The following STK32B variants were observed in gnomAD, a reference collection of about 807,000 sequenced individuals.
The protein encoded by STK32B is serine/threonine-protein kinase 32B.
A neutral mutation model predicts 52.6 loss-of-function variants in STK32B; 43 were observed. That is an observed-to-expected ratio of 0.82 (90% CI 0.64 to 1.05). STK32B has a LOEUF of 1.05. Among genes scored for constraint, STK32B ranks in the 50% least tolerant of loss-of-function variants. The pLI is 0.00. For missense variants in STK32B, 621 were observed against 534.6 expected (o/e 1.16, Z -1.59); for synonymous variants, 238 against 204.3 (o/e 1.17, Z -1.41).
intron 3 of STK32B, among the ~76,000 whole-genome samples, chr4:5,329,642 C>T (rs527854774): frequency 5.3e-5 from 8 of 152,172 alleles, no homozygotes; most frequent in South Asian, 2.1e-4. Flanking sequence ...GCCTCCAGGG[C>T]GAAGACAGTT....
In STK32B at chr4:5,301,092, C is replaced by T. The variant is rs536937358; in HGVS notation, c.261-30128C>T. Among the ~76,000 whole-genome samples, 47 of 152,084 alleles carry T rather than the reference C, an allele frequency of 3.1e-4. No individual in the cohort carries two copies. The South Asian group carries it at 3.1e-3, about 10-fold the overall frequency. ...TAATATTATATTTTAGACTGATTTT[C>T]GTATGTTAGACCAACCTTGCATTCC... On this transcript the variant is annotated intron_variant, in intron 3 of 11. Coordinates refer to ENST00000282908, the MANE Select transcript of STK32B (RefSeq NM_018401.3).
intron 4 of STK32B, among the ~76,000 whole-genome samples, chr4:5,350,766 A>G (rs1321066718): frequency 1.3e-5 from 2 of 152,170 alleles, no homozygotes; most frequent in Non-Finnish European, 2.9e-5. Context: ...GTAAAGACAC[A>G]TATAGACTGA....
At chr4:5,232,221 A>C (rs573258209) in intron 3 of STK32B, among the ~76,000 whole-genome samples, 1 of 152,230 alleles carries the variant, frequency 6.6e-6, no homozygotes, top group African/African-American at 2.4e-5. Context: ...GAAATCGATG[A>C]TAGTCTATTA....
intron 3 of STK32B, among the ~76,000 whole-genome samples, chr4:5,222,633 G>A (rs568494793): frequency 7.7e-4 from 117 of 152,308 alleles, no homozygotes; most frequent in African/African-American, 2.5e-3. Flanking sequence ...ACTTAAGAGT[G>A]ATGAACTAGA....
At chr4:5,063,870 C>A (rs1413170170) in intron 1 of STK32B, among the ~76,000 whole-genome samples, 1 of 152,082 alleles carries the variant, frequency 6.6e-6, no homozygotes, top group African/African-American at 2.4e-5. Context: ...ATTGAGCATA[C>A]AATAGTATTT....
At chr4:5,262,074 C>T (rs976517288) in intron 3 of STK32B, among the ~76,000 whole-genome samples, 1 of 152,200 alleles carries the variant, frequency 6.6e-6, no homozygotes, top group African/African-American at 2.4e-5. Flanking sequence ...GTGCCTCCCT[C>T]CTTCCCCTCA....
chr4:5,495,649 A>C (rs934049739), intron 11 of STK32B, among the ~76,000 whole-genome samples: 1 of 152,010 alleles, frequency 6.6e-6, no homozygotes, highest in Admixed American at 6.6e-5. Context: ...GAGGAGAGGC[A>C]CTCTGCTTTT....
intron 3 of STK32B, among the ~76,000 whole-genome samples, chr4:5,201,643 C>G (rs1722156023): frequency 6.6e-6 from 1 of 152,204 alleles, no homozygotes; most frequent in South Asian, 2.1e-4. Flanking sequence ...GTTTAATTGA[C>G]TCACAGTTAC....
At chr4:5,440,781 C>G (rs1186314387) in intron 6 of STK32B, among the ~76,000 whole-genome samples, 1 of 152,108 alleles carries the variant, frequency 6.6e-6, no homozygotes, top group Non-Finnish European at 1.5e-5. Flanking sequence ...TATGTCCCAT[C>G]ATTACCTAAT....
intron 3 of STK32B, among the ~76,000 whole-genome samples, chr4:5,189,976 A>G (rs1244483015): frequency 2.0e-5 from 3 of 152,190 alleles, no homozygotes; most frequent in African/African-American, 4.8e-5. Context: ...TAGTTGTCGA[A>G]TGAACCAATT....
At chr4:5,424,147 A>G (rs1034851956) in intron 6 of STK32B, among the ~76,000 whole-genome samples, 2 of 152,104 alleles carry the variant, frequency 1.3e-5, no homozygotes, top group African/African-American at 4.8e-5. Flanking sequence ...CAGCACTGAC[A>G]TGCCAGCCCC....
intron 3 of STK32B, among the ~76,000 whole-genome samples, chr4:5,248,658 A>G (rs890798647): frequency 2.0e-5 from 3 of 152,174 alleles, no homozygotes; most frequent in African/African-American, 7.2e-5. Context: ...TCACAATAGC[A>G]AAGACTTGGA....
At chr4:5,248,879 A>C (rs1259726194) in intron 3 of STK32B, among the ~76,000 whole-genome samples, 1 of 151,190 alleles carries the variant, frequency 6.6e-6, no homozygotes, top group Non-Finnish European at 1.5e-5. Context: ...GAACAATGAG[A>C]ACACTTGGAC....
In STK32B at chr4:5,244,168, G is replaced by A. The variant is rs563293937; in HGVS notation, c.260+75718G>A. ...CAGAAGTAATGGTACCAGTTCCTCC[G>A]TGTACCTCTGGTAGAATTCAGCTGT... On this transcript the variant is annotated intron_variant, in intron 3 of 11. Transcript: ENST00000282908. Among the ~76,000 whole-genome samples, 132 of 152,192 alleles carry A rather than the reference G, an allele frequency of 8.7e-4. 2 individuals carry two copies. The South Asian group carries it at 0.027, about 31-fold the overall frequency.
chr4:5,119,343 G>C (rs1714905273), intron 1 of STK32B, among the ~76,000 whole-genome samples: 1 of 152,194 alleles, frequency 6.6e-6, no homozygotes, highest in East Asian at 1.9e-4. Flanking sequence ...CTCAAGGAAG[G>C]AACTAGAGCA....
chr4:5,238,778 T>C (rs57877426), intron 3 of STK32B, among the ~76,000 whole-genome samples: 14,836 of 152,252 alleles, frequency 0.097, 1,292 homozygotes, highest in African/African-American at 0.23. Flanking sequence ...CACTCAACAA[T>C]TGTGTTCTCA....
intron 3 of STK32B, among the ~76,000 whole-genome samples, chr4:5,267,123 C>T (rs1007570004): frequency 7.5e-5 from 1 of 13,396 alleles, no homozygotes; most frequent in East Asian, 4.6e-3. Context: ...TAAAAATGTG[C>T]ATTGTTTGCA....
At chr4:5,492,365 A>T (rs1430677490) in intron 11 of STK32B, among the ~76,000 whole-genome samples, 5 of 152,094 alleles carry the variant, frequency 3.3e-5, no homozygotes, top group Non-Finnish European at 7.4e-5. Context: ...TTCACTCATG[A>T]TTTGGCTGTT....
At position 5,500,369 on chromosome 4, in the gene STK32B, T is replaced by TG. The variant is rs1720632527; in HGVS notation, c.*1288dup. 1 of 152,224 alleles carries TG rather than the reference T, an allele frequency of 6.6e-6. No homozygotes were observed. Among genetic ancestry groups the TG allele is most frequent in the Non-Finnish European group, 1.5e-5 (1 of 68,036 alleles). The allele number at this position is 152,224 out of a possible 1,614,324, so 9.4% of individuals were successfully genotyped here. A position where few individuals can be genotyped will look rare whatever the true frequency, so the allele number is the denominator to read the frequency against. On this transcript the variant is annotated 3_prime_UTR_variant, in exon 12 of 12. Coordinates refer to ENST00000282908, the MANE Select transcript of STK32B (RefSeq NM_018401.3). The stretch of plus-strand genomic sequence containing the variant: ...CCCAAGCATTGGATGACTCATAGAA[T>TG]GGCCTTTTTTGTCAGCATAATCGTC...
Sources: gnomAD v4.1 joint callset for allele counts (sites outside exome capture counted in the v4.1 genomes callset) on GRCh38, gnomAD v4.1.1 for gene constraint, MANE v1.5 for transcripts, NCBI Gene and HGNC (gene_info 2026-07-23, HGNC 2026-07-21) for gene names.